The following WWOX variants were observed in gnomAD, a reference collection of about 807,000 sequenced individuals.
WWOX encodes WW domain containing oxidoreductase.
WWOX carries 69 observed loss-of-function variants against 46.2 expected under a neutral mutation model. The ratio of observed to expected loss-of-function variants is 1.49; its 90% CI spans 1.23 to 1.82. WWOX has a LOEUF of 1.82. Ranked by LOEUF, WWOX falls within the 40% of genes most tolerant of loss-of-function variation. WWOX has a pLI of 0.00. For missense variants in WWOX, 919 were observed against 542.6 expected (o/e 1.69, Z -6.89); for synonymous variants, 359 against 202.6 (o/e 1.77, Z -6.56).
intron 8 of WWOX, among the ~76,000 whole-genome samples, chr16:78,498,214 A>AAAAAAAAAG (rs59419812): frequency 0.58 from 74,478 of 127,938 alleles, 26,109 homozygotes; most frequent in Non-Finnish European, 0.73. Flanking sequence ...CAAAAAAAAA[A>AAAAAAAAAG]AAAAGAAAAA....
At chr16:79,041,568 C>T (rs1033902171) in intron 8 of WWOX, among the ~76,000 whole-genome samples, 8 of 152,182 alleles carry the variant, frequency 5.3e-5, no homozygotes, top group African/African-American at 7.2e-5. Flanking sequence ...GAGCCTATGA[C>T]GGGTGAATAA....
intron 6 of WWOX, among the ~76,000 whole-genome samples, chr16:78,410,324 C>G (rs909158764): frequency 2.6e-5 from 4 of 152,188 alleles, no homozygotes; most frequent in Non-Finnish European, 5.9e-5. Flanking sequence ...CACACAAGGT[C>G]TTACCCTTGA....
At chr16:79,096,405 T>C (rs934408462) in intron 8 of WWOX, among the ~76,000 whole-genome samples, 10 of 152,016 alleles carry the variant, frequency 6.6e-5, no homozygotes, top group African/African-American at 2.4e-4. Flanking sequence ...CCAGTGCTCT[T>C]CCCCCTGCTC....
chr16:78,816,819 C>G (rs1281754950), intron 8 of WWOX, among the ~76,000 whole-genome samples: 1 of 152,036 alleles, frequency 6.6e-6, no homozygotes, highest in Admixed American at 6.6e-5. Flanking sequence ...AAAAGTTATG[C>G]AATGCCAAGT....
intron 8 of WWOX, among the ~76,000 whole-genome samples, chr16:78,460,541 A>T (rs181229161): frequency 2.6e-5 from 4 of 152,280 alleles, no homozygotes; most frequent in Admixed American, 2.6e-4. Flanking sequence ...ACTGATACCA[A>T]CACCATACTA....
chr16:78,581,532 C>G (rs140352253), intron 8 of WWOX, among the ~76,000 whole-genome samples: 6 of 152,160 alleles, frequency 3.9e-5, no homozygotes, highest in African/African-American at 1.4e-4. Flanking sequence ...TGTCGTCTTA[C>G]ACGTTAATGG....
intron 2 of WWOX, among the ~76,000 whole-genome samples, chr16:78,108,847 G>GAAC (rs2032317585): frequency 6.6e-6 from 1 of 152,174 alleles, no homozygotes; most frequent in East Asian, 1.9e-4. Flanking sequence ...AATTAGCTGG[G>GAAC]CATGGTTGCA....
intron 5 of WWOX, among the ~76,000 whole-genome samples, chr16:78,359,808 C>G (rs180893305): frequency 1.8e-4 from 28 of 152,172 alleles, no homozygotes; most frequent in Non-Finnish European, 5.9e-5. Flanking sequence ...CCATTCCCAT[C>G]TGGGATGAAC....
intron 8 of WWOX, among the ~76,000 whole-genome samples, chr16:78,861,055 A>G (rs2151191693): frequency 6.6e-6 from 1 of 152,192 alleles, no homozygotes; most frequent in East Asian, 1.9e-4. Flanking sequence ...CCTGGGCTCA[A>G]GCAATGTGCT....
intron 4 of WWOX, among the ~76,000 whole-genome samples, chr16:78,129,700 AT>A (rs949953774): frequency 8.0e-5 from 12 of 149,816 alleles, no homozygotes; most frequent in East Asian, 3.9e-4. Context: ...CTATAGTGGG[AT>A]TTTTTTTCTT....
chr16:78,723,808 AG>A (rs2048758453), intron 8 of WWOX, among the ~76,000 whole-genome samples: 1 of 151,984 alleles, frequency 6.6e-6, no homozygotes, highest in African/African-American at 2.4e-5. Flanking sequence ...CGTATCACTC[AG>A]ACTAAGCAGT....
At chr16:78,538,388 G>T (rs1387783817) in intron 8 of WWOX, among the ~76,000 whole-genome samples, 1 of 152,096 alleles carries the variant, frequency 6.6e-6, no homozygotes, top group East Asian at 1.9e-4. Context: ...ATTTCCCCAT[G>T]AGTCTTAAAC....
chr16:79,058,173 G>C (rs773255049), intron 8 of WWOX, among the ~76,000 whole-genome samples: 4 of 151,226 alleles, frequency 2.6e-5, no homozygotes, highest in African/African-American at 4.9e-5. Context: ...TTCCAGGATA[G>C]AGTGTGTACC....
At chr16:78,841,725 C>T (rs190121696) in intron 8 of WWOX, among the ~76,000 whole-genome samples, 15 of 152,070 alleles carry the variant, frequency 9.9e-5, no homozygotes, top group African/African-American at 3.4e-4. Flanking sequence ...CACTCCTGTC[C>T]GAGAAGTTAC....
chr16:79,211,643 T>A lies in WWOX; in HGVS notation c.1092T>A (p.Ala364=), dbSNP rs1691582221. 3 of 1,614,116 alleles carry A rather than the reference T, an allele frequency of 1.9e-6. No individual in the cohort carries two copies. Among genetic ancestry groups the A allele is most frequent in the Non-Finnish European group, 2.5e-6 (3 of 1,180,052 alleles). ...QGAATTVYCA[A]VPELEGLGGM... is the part of the protein sequence containing the mutation. Reference sequence around the variant, plus strand: ...CTGCCACCACCGTGTACTGTGCTGCTGTCCCAGAACTGGAGGGTCTGGGAG... The same window carrying A: ...CTGCCACCACCGTGTACTGTGCTGCAGTCCCAGAACTGGAGGGTCTGGGAG... Residue 364 remains alanine, a synonymous_variant, in exon 9 of 9, where the codon GCT becomes GCA. Transcript: ENST00000566780.
intron 8 of WWOX, among the ~76,000 whole-genome samples, chr16:78,569,975 C>T (rs546710259): frequency 6.6e-6 from 1 of 152,146 alleles, no homozygotes; most frequent in Non-Finnish European, 1.5e-5. Flanking sequence ...GAGATGGTTT[C>T]CATCCTGAAG....
intron 8 of WWOX, among the ~76,000 whole-genome samples, chr16:78,954,499 T>C (rs2046125662): frequency 6.6e-6 from 1 of 152,200 alleles, no homozygotes; most frequent in African/African-American, 2.4e-5. Flanking sequence ...ATTGATAGCC[T>C]AGTGGCTTGC....
At chr16:78,533,539 C>G (rs1416077618) in intron 8 of WWOX, among the ~76,000 whole-genome samples, 1 of 152,238 alleles carries the variant, frequency 6.6e-6, no homozygotes, top group African/African-American at 2.4e-5. Flanking sequence ...CAAGCTTAGT[C>G]TACAGGTTCT....
chr16:78,700,193 T>C (rs901547206), intron 8 of WWOX, among the ~76,000 whole-genome samples: 1 of 151,780 alleles, frequency 6.6e-6, no homozygotes, highest in African/African-American at 2.4e-5. Flanking sequence ...TTTTTTTTTT[T>C]CTCCCAGTTC....
Sources: gnomAD v4.1 joint callset for allele counts (sites outside exome capture counted in the v4.1 genomes callset) on GRCh38, gnomAD v4.1.1 for gene constraint, MANE v1.5 for transcripts, NCBI Gene and HGNC (gene_info 2026-07-23, HGNC 2026-07-21) for gene names.